The following DGKI variants were observed in gnomAD, a reference collection of about 807,000 sequenced individuals.
The protein encoded by DGKI is diacylglycerol kinase iota, also known as DAG kinase iota.
In DGKI, 55 loss-of-function variants were observed where a neutral mutation model predicts 147.5. The observed-to-expected ratio is 0.37, with a 90% confidence interval of 0.30 to 0.47. The LOEUF is 0.47. DGKI is among the 20% of genes least tolerant of loss of function. DGKI has a pLI of 1.00. For synonymous variants in DGKI, 469 were observed against 477.1 expected (o/e 0.98, Z 0.22); for missense variants, 1,007 against 1,323.8 (o/e 0.76, Z 3.71).
At chr7:137,442,028 T>C (rs1468293567) in intron 28 of DGKI, among the ~76,000 whole-genome samples, 1 of 152,172 alleles carries the variant, frequency 6.6e-6, no homozygotes, top group Non-Finnish European at 1.5e-5. Flanking sequence ...AAGCTTTTTT[T>C]CAAGAATATA....
chr7:137,773,951 G>A (rs1463873087), intron 1 of DGKI, among the ~76,000 whole-genome samples: 1 of 152,112 alleles, frequency 6.6e-6, no homozygotes, highest in Admixed American at 6.5e-5. Flanking sequence ...ATCACAACAA[G>A]GTGGATGTCT....
At chr7:137,696,418 A>G (rs994091525) in intron 1 of DGKI, among the ~76,000 whole-genome samples, 1 of 146,706 alleles carries the variant, frequency 6.8e-6, no homozygotes, top group African/African-American at 2.6e-5. Context: ...AAATAAATGC[A>G]ATGCCCAAAA....
intron 1 of DGKI, among the ~76,000 whole-genome samples, chr7:137,696,412 A>AAATGCAAT: frequency 6.6e-6 from 1 of 150,574 alleles, no homozygotes; most frequent in South Asian, 2.1e-4. Flanking sequence ...TCATGTAAAT[A>AAATGCAAT]AATGCAATGC....
intron 21 of DGKI, among the ~76,000 whole-genome samples, chr7:137,508,354 G>A (rs372045037): frequency 7.3e-5 from 11 of 150,582 alleles, no homozygotes; most frequent in East Asian, 2.0e-4. Flanking sequence ...AGCCTCCTGC[G>A]TAGCTGGGAC....
intron 21 of DGKI, among the ~76,000 whole-genome samples, chr7:137,516,243 C>G (rs1049692845): frequency 6.6e-6 from 1 of 152,136 alleles, no homozygotes; most frequent in South Asian, 2.1e-4. Flanking sequence ...GCTTTAAAAA[C>G]TCTACTAAGG....
At chr7:137,576,492 G>T (rs963108850) in intron 17 of DGKI, among the ~76,000 whole-genome samples, 1 of 151,928 alleles carries the variant, frequency 6.6e-6, no homozygotes, top group Non-Finnish European at 1.5e-5. Flanking sequence ...ACAAAGTCAT[G>T]TTCCTTCCTT....
intron 32 of DGKI, 90 bp downstream of exon 32, chr7:137,395,508 A>G: frequency 1.6e-6 from 2 of 1,218,008 alleles, no homozygotes. Context: ...TAAGCACAGA[A>G]AGGATGTCCG....
chr7:137,702,450 A>G (rs1824016021), intron 1 of DGKI, among the ~76,000 whole-genome samples: 1 of 152,244 alleles, frequency 6.6e-6, no homozygotes, highest in Non-Finnish European at 1.5e-5. Flanking sequence ...CCACAAAAGC[A>G]GTAAAAACAA....
intron 6 of DGKI, among the ~76,000 whole-genome samples, chr7:137,632,702 CA>C (rs1157392446): frequency 2.0e-5 from 3 of 151,634 alleles, no homozygotes; most frequent in South Asian, 4.2e-4. Flanking sequence ...ACTAAAAATA[CA>C]AAAAAATTAG....
intron 2 of DGKI, among the ~76,000 whole-genome samples, chr7:137,685,666 A>G (rs1403599556): frequency 6.6e-6 from 1 of 152,114 alleles, no homozygotes; most frequent in African/African-American, 2.4e-5. Context: ...TTTTACCCCA[A>G]CTGGCTTGGC....
chr7:137,570,023 A>G (rs1818740693), intron 19 of DGKI, among the ~76,000 whole-genome samples: 1 of 152,184 alleles, frequency 6.6e-6, no homozygotes, highest in Non-Finnish European at 1.5e-5. Flanking sequence ...TTTTTCTGTT[A>G]AACTTCACTA....
intron 15 of DGKI, among the ~76,000 whole-genome samples, chr7:137,581,335 C>T (rs117565264): frequency 0.019 from 2,899 of 152,226 alleles, 48 homozygotes; most frequent in Non-Finnish European, 0.026. Context: ...ATGCTTTCAA[C>T]CTAAACTACC....
intron 3 of DGKI, 21 bp from the exon 4 acceptor site, chr7:137,656,561 G>T: frequency 6.2e-7 from 1 of 1,610,904 alleles, no homozygotes; most frequent in Non-Finnish European, 8.5e-7. Context: ...CAATTCAAAA[G>T]ACAAAAAAGA....
At chr7:137,733,966 T>A (rs1486054004) in intron 1 of DGKI, among the ~76,000 whole-genome samples, 1 of 152,084 alleles carries the variant, frequency 6.6e-6, no homozygotes, top group East Asian at 1.9e-4. Context: ...CAACAGTTTC[T>A]ATCTGAAACA....
At chr7:137,588,527 A>G (rs1227272353) in intron 12 of DGKI, among the ~76,000 whole-genome samples, 3 of 135,304 alleles carry the variant, frequency 2.2e-5, no homozygotes, top group Non-Finnish European at 4.5e-5. Context: ...TCCAGGCTGG[A>G]GTGCAGCGGC....
At chr7:137,820,794 A>C (rs1797873307) in intron 1 of DGKI, among the ~76,000 whole-genome samples, 2 of 151,878 alleles carry the variant, frequency 1.3e-5, no homozygotes, top group South Asian at 2.1e-4. Context: ...GCTGGCAGCA[A>C]CTCTGGAGGT....
At chr7:137,777,807 C>A (rs1299048969) in intron 1 of DGKI, among the ~76,000 whole-genome samples, 1 of 152,182 alleles carries the variant, frequency 6.6e-6, no homozygotes, top group African/African-American at 2.4e-5. Flanking sequence ...GTGGTTCTAA[C>A]TTTACCTTGT....
intron 20 of DGKI, among the ~76,000 whole-genome samples, chr7:137,523,141 A>G (rs1817022263): frequency 6.6e-6 from 1 of 152,150 alleles, no homozygotes; most frequent in Non-Finnish European, 1.5e-5. Flanking sequence ...GAAAGATAAG[A>G]AAGAATACAT....
At chr7:137,582,326 G>A (rs1057107048) in intron 14 of DGKI, among the ~76,000 whole-genome samples, 3 of 152,012 alleles carry the variant, frequency 2.0e-5, no homozygotes, top group Non-Finnish European at 2.9e-5. Flanking sequence ...AACTTAATCA[G>A]TGGATGTGCG....
Sources: gnomAD v4.1 joint callset for allele counts (sites outside exome capture counted in the v4.1 genomes callset) on GRCh38, gnomAD v4.1.1 for gene constraint, MANE v1.5 for transcripts, NCBI Gene and HGNC (gene_info 2026-07-23, HGNC 2026-07-21) for gene names.